WWOX: variants seen among roughly 807,000 people sequenced by gnomAD.
WWOX encodes WW domain containing oxidoreductase.
Under a neutral mutation model 46.2 loss-of-function variants are expected in WWOX, and 69 were observed. That is an observed-to-expected ratio of 1.49 (90% confidence interval 1.23 to 1.82). The LOEUF is 1.82. Among genes scored for constraint, WWOX ranks in the 40% most tolerant of loss-of-function variants. The pLI is 0.00. For synonymous variants in WWOX, 359 were observed against 202.6 expected (o/e 1.77, Z -6.56); for missense variants, 919 against 542.6 (o/e 1.69, Z -6.89).
intron 5 of WWOX, among the ~76,000 whole-genome samples, chr16:78,270,931 C>T (rs915461055): frequency 4.6e-5 from 7 of 152,196 alleles, no homozygotes; most frequent in Admixed American, 4.6e-4. Context: ...TGTGTCAACC[C>T]TTTCCTGTTT....
At chr16:78,681,474 A>T (rs1281689966) in intron 8 of WWOX, among the ~76,000 whole-genome samples, 1 of 151,864 alleles carries the variant, frequency 6.6e-6, no homozygotes. Context: ...CATCCTAGAC[A>T]CTTGAATCAG....
At position 78,341,653 on chromosome 16, in the gene WWOX, G is replaced by GGA. The variant is rs1458248155; in HGVS notation, c.517-45204_517-45203dup. 3.8e-4 allele frequency among the ~76,000 whole-genome samples: 45 copies of GGA among 119,592 alleles called. 14 individuals are homozygous for GGA. The highest frequency in any genetic ancestry group is 1.2e-3 in the Admixed American group (15 of 12,228). The allele number at this position is 119,592 out of a possible 152,430, so 78.5% of individuals were successfully genotyped here. On this transcript the variant is annotated intron_variant, in intron 5 of 8. Coordinates refer to ENST00000566780, the MANE Select transcript of WWOX (RefSeq NM_016373.4). ...AGATGGGATAGGTGGGCAACATGCAGGAGAAACCTCCTGGGAAAGGTGAGC... is the reference window on the plus strand; with the variant it reads ...AGATGGGATAGGTGGGCAACATGCAGGAGAGAAACCTCCTGGGAAAGGTGAGC...
chr16:78,673,197 A>G (rs1452262992), intron 8 of WWOX, among the ~76,000 whole-genome samples: 2 of 152,202 alleles, frequency 1.3e-5, no homozygotes, highest in Non-Finnish European at 2.9e-5. Flanking sequence ...TGAGATCAGT[A>G]GAAGAGTACA....
intron 8 of WWOX, among the ~76,000 whole-genome samples, chr16:78,585,406 G>C (rs1239431427): frequency 6.6e-6 from 1 of 152,110 alleles, no homozygotes; most frequent in Non-Finnish European, 1.5e-5. Flanking sequence ...ACTTACTTGT[G>C]GGGTTGACTC....
intron 8 of WWOX, among the ~76,000 whole-genome samples, chr16:78,846,309 C>T (rs572069157): frequency 6.6e-6 from 1 of 152,276 alleles, no homozygotes; most frequent in South Asian, 2.1e-4. Context: ...CTATAACTGA[C>T]CAACAGACTT....
intron 8 of WWOX, among the ~76,000 whole-genome samples, chr16:78,434,638 A>G (rs1337439328): frequency 6.6e-6 from 1 of 152,104 alleles, no homozygotes; most frequent in African/African-American, 2.4e-5. Context: ...GTATTTGATC[A>G]TTGATGTGTT....
chr16:78,554,593 A>C (rs2044245862), intron 8 of WWOX, among the ~76,000 whole-genome samples: 1 of 152,194 alleles, frequency 6.6e-6, no homozygotes, highest in Non-Finnish European at 1.5e-5. Context: ...ACGTGGGTGT[A>C]CACACACAGG....
chr16:78,424,107 C>CTTTTTT (rs199817825), intron 6 of WWOX, among the ~76,000 whole-genome samples: 69 of 102,022 alleles, frequency 6.8e-4, no homozygotes, highest in African/African-American at 1.4e-3. Context: ...CTTTTCTTTT[C>CTTTTTT]TTTTTTTTTT....
chr16:78,482,235 ATT>A (rs910018374), intron 8 of WWOX, among the ~76,000 whole-genome samples: 2 of 151,782 alleles, frequency 1.3e-5, no homozygotes, highest in African/African-American at 4.8e-5. Flanking sequence ...TAACTCCATA[ATT>A]TTTTTTATTA....
intron 8 of WWOX, among the ~76,000 whole-genome samples, chr16:78,546,053 AGGAATGTTAT>A (rs1425309318): frequency 6.6e-6 from 1 of 152,198 alleles, no homozygotes; most frequent in Non-Finnish European, 1.5e-5. Flanking sequence ...GCTGGGCACA[AGGAATGTTAT>A]GGTGGATAAG....
At chr16:78,581,951 C>T (rs914036506) in intron 8 of WWOX, among the ~76,000 whole-genome samples, 1 of 152,164 alleles carries the variant, frequency 6.6e-6, no homozygotes, top group Admixed American at 6.5e-5. Flanking sequence ...CTCCTAGCAT[C>T]TGTGAAAATT....
chr16:79,034,184 C>T (rs1211605678), intron 8 of WWOX, among the ~76,000 whole-genome samples: 1 of 152,178 alleles, frequency 6.6e-6, no homozygotes, highest in Non-Finnish European at 1.5e-5. Flanking sequence ...TTCCCACATG[C>T]TACACTGAAG....
At chr16:78,557,158 A>G (rs1267225841) in intron 8 of WWOX, among the ~76,000 whole-genome samples, 2 of 152,210 alleles carry the variant, frequency 1.3e-5, no homozygotes, top group African/African-American at 4.8e-5. Flanking sequence ...GTAGTGGGCT[A>G]TTAGATTTTG....
intron 8 of WWOX, among the ~76,000 whole-genome samples, chr16:78,920,115 G>A (rs559294590): frequency 6.6e-6 from 1 of 152,146 alleles, no homozygotes; most frequent in Non-Finnish European, 1.5e-5. Context: ...TGTCTACACT[G>A]TAGGGCCGTC....
chr16:78,226,285 AG>A (rs372297277), intron 5 of WWOX, among the ~76,000 whole-genome samples: 94 of 152,262 alleles, frequency 6.2e-4, no homozygotes, highest in African/African-American at 2.2e-3. Context: ...ATCAAGGAAA[AG>A]GGTACCTAAC....
At chr16:78,988,020 G>T (rs947162337) in intron 8 of WWOX, among the ~76,000 whole-genome samples, 2 of 152,028 alleles carry the variant, frequency 1.3e-5, no homozygotes, top group African/African-American at 4.8e-5. Flanking sequence ...TAAAGGGGGG[G>T]TGGTCAAGGT....
chr16:79,180,373 C>T (rs937967497), intron 8 of WWOX, among the ~76,000 whole-genome samples: 5 of 152,180 alleles, frequency 3.3e-5, no homozygotes, highest in African/African-American at 9.7e-5. Context: ...TACTATAAAT[C>T]TATCCGTTAA....
intron 8 of WWOX, among the ~76,000 whole-genome samples, chr16:78,645,848 G>T (rs901337422): frequency 1.4e-4 from 22 of 152,054 alleles, no homozygotes; most frequent in African/African-American, 4.8e-4. Flanking sequence ...CTGGGCTCTG[G>T]GGGCTTCTGG....
At chr16:78,998,665 T>G (rs1180560812) in intron 8 of WWOX, among the ~76,000 whole-genome samples, 1 of 152,206 alleles carries the variant, frequency 6.6e-6, no homozygotes, top group African/African-American at 2.4e-5. Flanking sequence ...GGTAAGCGGC[T>G]AGCACAGTGC....
Sources: allele counts gnomAD v4.1 joint callset (sites outside exome capture counted in the v4.1 genomes callset), GRCh38; gene constraint gnomAD v4.1.1; transcripts MANE v1.5; gene names NCBI Gene and HGNC (gene_info 2026-07-23, HGNC 2026-07-21).